CNOT6: variants seen among roughly 807,000 people sequenced by gnomAD.
The protein encoded by CNOT6 is CCR4-NOT transcription complex subunit 6, also known as carbon catabolite repression 4 protein.
A neutral mutation model predicts 61.2 loss-of-function variants in CNOT6; 12 were observed. That is an observed-to-expected ratio of 0.20 (90% confidence interval 0.13 to 0.32). CNOT6 has a LOEUF of 0.32. Ranked by LOEUF, CNOT6 falls within the 10% of genes least tolerant of loss-of-function variation. The probability of loss-of-function intolerance (pLI) is 1.00; values close to 1 mark genes in which losing one functional copy is unlikely to be tolerated. For synonymous variants in CNOT6, 225 were observed against 240.6 expected (o/e 0.94, Z 0.60); for missense variants, 405 against 663.9 (o/e 0.61, Z 4.28).
chr5:180,495,113 G>GGT (rs1253398349), intron 1 of CNOT6, among the ~76,000 whole-genome samples: 1 of 152,224 alleles, frequency 6.6e-6, no homozygotes, highest in Non-Finnish European at 1.5e-5. Flanking sequence ...GGCCAAGATG[G>GGT]GTGGCAACTT....
At chr5:180,570,394 C>CAGA (rs1187115806) in intron 10 of CNOT6, among the ~76,000 whole-genome samples, 2 of 152,162 alleles carry the variant, frequency 1.3e-5, no homozygotes, top group Non-Finnish European at 2.9e-5. Flanking sequence ...GAAAGAAAAA[C>CAGA]TGAGTTAAAA....
At position 180,577,794 on chromosome 5, in the gene CNOT6, G is replaced by A. The variant is rs1157044200; in HGVS notation, c.*3594G>A. On this transcript the variant is annotated 3_prime_UTR_variant, in exon 12 of 12. Transcript: ENST00000261951. ...CAGACAGCTCTTTGATGAGGGTGAT[G>A]GGAACTGAATAAACCATACGGACTG... The A allele has an allele frequency of 6.6e-6, 1 of 152,582 alleles. No individual in the cohort carries two copies. Among genetic ancestry groups the A allele is most frequent in the Admixed American group, 6.5e-5 (1 of 15,280 alleles). 9.5% of individuals were successfully genotyped at this position (152,582 alleles called of 1,614,324 possible).
At chr5:180,535,982 A>C (rs376187952) in intron 2 of CNOT6, among the ~76,000 whole-genome samples, 2 of 94,582 alleles carry the variant, frequency 2.1e-5, no homozygotes, top group South Asian at 6.6e-4. Flanking sequence ...TTGCCCACTT[A>C]TTAGGGTTTT....
At position 180,571,044 on chromosome 5, in the gene CNOT6, A is replaced by G. The variant is rs1367643363; in HGVS notation, c.1259-186A>G. ...AAGACACATGTTCATAAAGCAAATT[A>G]TAAACTATTCAATACTCTGTGATGA... is the stretch of plus-strand genomic sequence containing the variant. On this transcript the variant is annotated intron_variant, in intron 10 of 11. Transcript: ENST00000261951. Among the ~76,000 whole-genome samples, 4 of 152,276 alleles carry G rather than the reference A, an allele frequency of 2.6e-5. No homozygotes were observed. In the East Asian group the frequency reaches 7.7e-4, roughly 29 times the overall value.
intron 3 of CNOT6, among the ~76,000 whole-genome samples, chr5:180,552,118 C>G (rs1291029879): frequency 6.6e-6 from 1 of 151,724 alleles, no homozygotes; most frequent in Admixed American, 6.6e-5. Flanking sequence ...ATCTGCCTGC[C>G]TCGGCCTCCC....
intron 1 of CNOT6, among the ~76,000 whole-genome samples, chr5:180,500,928 GGAT>G (rs1396939573): frequency 6.6e-6 from 1 of 152,072 alleles, no homozygotes; most frequent in Non-Finnish European, 1.5e-5. Context: ...GGATTTTAAA[GGAT>G]GGATAGGGAT....
intron 1 of CNOT6, among the ~76,000 whole-genome samples, chr5:180,500,882 G>C (rs781687926): frequency 6.6e-5 from 10 of 151,930 alleles, no homozygotes; most frequent in Non-Finnish European, 1.2e-4. Flanking sequence ...ATTCTGCTTG[G>C]AAAACCCAGG....
chr5:180,556,955 C>CAA (rs559541607), intron 4 of CNOT6, among the ~76,000 whole-genome samples: 54 of 99,402 alleles, frequency 5.4e-4, no homozygotes, highest in African/African-American at 6.4e-4. Flanking sequence ...GACTCCGTCT[C>CAA]AAAAAAAAAA....
intron 1 of CNOT6, among the ~76,000 whole-genome samples, chr5:180,502,504 T>C (rs1257654215): frequency 6.6e-6 from 1 of 152,248 alleles, no homozygotes; most frequent in Non-Finnish European, 1.5e-5. Context: ...TATGTTGTGC[T>C]CCATTGCCCA....
At chr5:180,500,654 A>G (rs188744042) in intron 1 of CNOT6, among the ~76,000 whole-genome samples, 1 of 152,314 alleles carries the variant, frequency 6.6e-6, no homozygotes, top group Non-Finnish European at 1.5e-5. Flanking sequence ...CTTGTTTAAT[A>G]CTAGTTTTAA....
chr5:180,573,784 TAAG>T (rs1481274118), intron 11 of CNOT6, among the ~76,000 whole-genome samples: 1 of 152,122 alleles, frequency 6.6e-6, no homozygotes, highest in African/African-American at 2.4e-5. Flanking sequence ...AAGATCCAGA[TAAG>T]AAGAATGCTT....
At chr5:180,524,888 C>T (rs761486871) in intron 1 of CNOT6, among the ~76,000 whole-genome samples, 1 of 152,184 alleles carries the variant, frequency 6.6e-6, no homozygotes, top group South Asian at 2.1e-4. Flanking sequence ...TAAGTGGAGT[C>T]TGGTCAGAAC....
chr5:180,574,184 T>C lies in CNOT6; in HGVS notation c.1658T>C (p.Leu553Pro). Reference sequence around the variant, plus strand: ...CTGCCCCAAGTCAACGGCATCCACCTTCCTGGCAGGAGGTAGTCAAGCACC... The same window carrying C: ...CTGCCCCAAGTCAACGGCATCCACCCTCCTGGCAGGAGGTAGTCAAGCACC... Reference protein sequence around the residue: ...PFLPQVNGIHLPGRR With the variant: ...PFLPQVNGIHPPGRR Residue 553 changes from leucine to proline, a missense_variant, in exon 12 of 12, where the codon CTT becomes CCT. Leu to Pro is a moderately conservative substitution (Grantham distance 98). Around this residue, in one of 5 missense-constraint regions of CNOT6, gnomAD observed 52 missense variants for 69.3 expected, o/e 0.75. Coordinates refer to ENST00000261951, the MANE Select transcript of CNOT6 (RefSeq NM_001370472.1). 6.2e-7 allele frequency: 1 copy of C among 1,613,560 alleles called. No homozygotes were observed. The highest frequency in any genetic ancestry group is 8.5e-7 in the Non-Finnish European group (1 of 1,179,864).
rs141177568 is a variant in CNOT6, at chr5:180,508,211, CTG to C, written c.-3+13451_-3+13452del. On this transcript the variant is annotated intron_variant, in intron 1 of 11. Coordinates refer to ENST00000261951, the MANE Select transcript of CNOT6 (RefSeq NM_001370472.1). The stretch of plus-strand genomic sequence containing the variant: ...TAGAGTTGGAGACTGGATATGAAGA[CTG>C]TGACTAGGTAAGGAAGGGTCAAGGA... Among the ~76,000 whole-genome samples, 595 of 152,264 alleles carry C rather than the reference CTG, an allele frequency of 3.9e-3. 5 individuals carry two copies. The highest frequency in any genetic ancestry group is 0.014 in the African/African-American group (581 of 41,550).
At chr5:180,545,390 A>G (rs148736593) in intron 2 of CNOT6, among the ~76,000 whole-genome samples, 1 of 152,230 alleles carries the variant, frequency 6.6e-6, no homozygotes, top group Non-Finnish European at 1.5e-5. Context: ...CATTTTGTGG[A>G]ATTTTTGTAT....
intron 2 of CNOT6, among the ~76,000 whole-genome samples, chr5:180,539,840 C>T (rs989133780): frequency 5.9e-5 from 9 of 151,970 alleles, no homozygotes; most frequent in Non-Finnish European, 1.2e-4. Context: ...CCGCCCGCCT[C>T]GGCCTCCCAA....
At chr5:180,531,959 A>G (rs1432766987) in intron 2 of CNOT6, among the ~76,000 whole-genome samples, 1 of 152,188 alleles carries the variant, frequency 6.6e-6, no homozygotes, top group African/African-American at 2.4e-5. Context: ...GGCTTTCACA[A>G]CTTTGGTGGC....
chr5:180,569,997 G>A (rs747405703), intron 10 of CNOT6, among the ~76,000 whole-genome samples: 13 of 152,028 alleles, frequency 8.6e-5, no homozygotes, highest in Admixed American at 7.9e-4. Flanking sequence ...GTGAATGTAC[G>A]CATGAACACA....
At chr5:180,508,042 C>T (rs1757210023) in intron 1 of CNOT6, among the ~76,000 whole-genome samples, 1 of 152,070 alleles carries the variant, frequency 6.6e-6, no homozygotes. Context: ...CAGACCCAGA[C>T]CATATCAGAC....
Sources: gnomAD v4.1 joint callset for allele counts (sites outside exome capture counted in the v4.1 genomes callset) on GRCh38, gnomAD v4.1.1 for gene constraint, gnomAD v4.1.1 regional missense constraint, MANE v1.5 for transcripts, NCBI Gene and HGNC (gene_info 2026-07-23, HGNC 2026-07-21) for gene names.